MTHFD1: variants seen among roughly 807,000 people sequenced by gnomAD.
The protein encoded by MTHFD1 is methylenetetrahydrofolate dehydrogenase, cyclohydrolase and formyltetrahydrofolate synthetase 1, also known as C-1-tetrahydrofolate synthase, cytoplasmic.
A neutral mutation model predicts 110.3 loss-of-function variants in MTHFD1; 44 were observed. The observed-to-expected ratio is 0.40, with a 90% CI of 0.31 to 0.51. MTHFD1 has a LOEUF of 0.51. Ranked by LOEUF, MTHFD1 falls within the 20% of genes least tolerant of loss-of-function variation. The pLI, the probability that MTHFD1 is intolerant of heterozygous loss-of-function variation, is 0.60. For missense variants in MTHFD1, 909 were observed against 1,173.1 expected (o/e 0.77, Z 3.29); for synonymous variants, 402 against 428.8 (o/e 0.94, Z 0.77).
intron 22 of MTHFD1, among the ~76,000 whole-genome samples, chr14:64,446,610 C>T (rs112833248): frequency 0.067 from 10,111 of 151,320 alleles, 460 homozygotes; most frequent in East Asian, 0.21. Flanking sequence ...GGTGTGATCT[C>T]GGCTCACTGC....
intron 11 of MTHFD1, among the ~76,000 whole-genome samples, chr14:64,426,754 C>T (rs1346704404): frequency 6.6e-6 from 1 of 152,120 alleles, no homozygotes; most frequent in Non-Finnish European, 1.5e-5. Context: ...CAGGCGTGAG[C>T]CACCACACCC....
chr14:64,391,053 A>G (rs2077800176), intron 1 of MTHFD1, among the ~76,000 whole-genome samples: 1 of 152,256 alleles, frequency 6.6e-6, no homozygotes, highest in Non-Finnish European at 1.5e-5. Flanking sequence ...GTGAATGGCA[A>G]TGGCTCAACT....
At chr14:64,440,091 A>C (rs1355218363) in intron 17 of MTHFD1, 35 bp from the exon 18 acceptor site, 1 of 1,600,398 alleles carries the variant, frequency 6.2e-7, no homozygotes, top group Non-Finnish European at 8.5e-7. Context: ...GTTTAACACA[A>C]AGTTTTTGCT....
intron 26 of MTHFD1, 58 bp downstream of exon 26, chr14:64,454,933 T>TTGC: frequency 6.4e-7 from 1 of 1,573,714 alleles, no homozygotes; most frequent in East Asian, 2.2e-5. Context: ...CTGAAGTGTG[T>TTGC]TGCCGAAACC....
intron 26 of MTHFD1, among the ~76,000 whole-genome samples, chr14:64,457,413 C>T (rs988499815): frequency 6.6e-6 from 1 of 151,754 alleles, no homozygotes; most frequent in African/African-American, 2.4e-5. Flanking sequence ...TGAAGGCTGG[C>T]ATTTGGTTTG....
At chr14:64,444,140 C>G (rs2078270876) in intron 21 of MTHFD1, among the ~76,000 whole-genome samples, 1 of 152,146 alleles carries the variant, frequency 6.6e-6, no homozygotes, top group African/African-American at 2.4e-5. Flanking sequence ...AGGCACCAGA[C>G]ACCTCCATCC....
chr14:64,413,876 C>T (rs1436212363), intron 4 of MTHFD1, among the ~76,000 whole-genome samples: 4 of 152,210 alleles, frequency 2.6e-5, no homozygotes, highest in South Asian at 4.1e-4. Context: ...TTTGCCTCAG[C>T]TGCAGCACAG....
At position 64,430,341 on chromosome 14, in the gene MTHFD1, A is replaced by G. The variant is rs952342316; in HGVS notation, c.1311+111A>G. ...ATGACGGAGTCTTGCTCTGTTGCCC[A>G]GAGCTGGAGTGCAATGGCGCAATCT... On this transcript the variant is annotated intron_variant, in intron 13 of 27. Coordinates refer to ENST00000652337, the MANE Select transcript of MTHFD1 (RefSeq NM_005956.4). 9 of 1,045,464 alleles carry G rather than the reference A, an allele frequency of 8.6e-6. No homozygotes were observed. The East Asian group carries it at 1.2e-4, about 14-fold the overall frequency. The allele number at this position is 1,045,464 out of a possible 1,614,324, so 64.8% of individuals were successfully genotyped here. A position where few individuals can be genotyped will look rare whatever the true frequency, so the allele number is the denominator to read the frequency against.
chr14:64,399,573 C>T (rs764332872), intron 1 of MTHFD1, among the ~76,000 whole-genome samples: 3 of 148,964 alleles, frequency 2.0e-5, no homozygotes, highest in Admixed American at 6.8e-5. Flanking sequence ...GCAGCAGAAT[C>T]GCTTGAACCC....
intron 15 of MTHFD1, among the ~76,000 whole-genome samples, chr14:64,433,633 T>C (rs1312096425): frequency 6.6e-6 from 1 of 151,758 alleles, no homozygotes; most frequent in Non-Finnish European, 1.5e-5. Context: ...CAGGCTGATC[T>C]CAAGCTTCTG....
intron 7 of MTHFD1, among the ~76,000 whole-genome samples, chr14:64,419,052 C>T (rs1293008822): frequency 1.3e-5 from 2 of 151,816 alleles, no homozygotes; most frequent in African/African-American, 4.8e-5. Context: ...CGACAGGGGT[C>T]TCACTGTGTT....
intron 15 of MTHFD1, among the ~76,000 whole-genome samples, chr14:64,434,115 T>C (rs958463929): frequency 6.6e-6 from 1 of 152,178 alleles, no homozygotes; most frequent in African/African-American, 2.4e-5. Flanking sequence ...AATCTTCTGG[T>C]GCTCAGTTAT....
chr14:64,436,685 G>A (rs2078208511), intron 16 of MTHFD1, among the ~76,000 whole-genome samples: 1 of 152,190 alleles, frequency 6.6e-6, no homozygotes, highest in Non-Finnish European at 1.5e-5. Context: ...ACCGTTGCTA[G>A]CTAATGGCCT....
chr14:64,450,081 C>T (rs991483203), intron 24 of MTHFD1, among the ~76,000 whole-genome samples: 6 of 152,158 alleles, frequency 3.9e-5, no homozygotes, highest in Admixed American at 1.3e-4. Context: ...TGAGCCACTG[C>T]GTCCGCCCAG....
chr14:64,391,007 A>ATTT (rs2077799829), intron 1 of MTHFD1, among the ~76,000 whole-genome samples: 1 of 152,182 alleles, frequency 6.6e-6, no homozygotes, highest in South Asian at 2.1e-4. Flanking sequence ...TTAGGAAATC[A>ATTT]TTTGAGGCCA....
intron 26 of MTHFD1, 46 bp from the exon 27 acceptor site, chr14:64,458,168 A>G: frequency 6.9e-7 from 1 of 1,440,248 alleles, no homozygotes; most frequent in South Asian, 1.1e-5. Context: ...GGCGTGAGCC[A>G]CTGTGCCCAG....
At chr14:64,405,065 G>A (rs1161739800) in intron 2 of MTHFD1, among the ~76,000 whole-genome samples, 1 of 152,130 alleles carries the variant, frequency 6.6e-6, no homozygotes, top group Non-Finnish European at 1.5e-5. Context: ...CAGAAGGCCT[G>A]TCACTCTCTG....
rs1318852514 is a variant in MTHFD1, at chr14:64,395,080, A to C, written c.42-5713A>C. Among the ~76,000 whole-genome samples the C allele has an allele frequency of 3.3e-5, 5 of 151,944 alleles. No homozygotes were observed. The South Asian group carries it at 1.0e-3, about 32-fold the overall frequency. ...CTCACCAGCAGACCCACTGGCATCA[A>C]CTCTCCTTTGTTGACATATAGTTAA... On this transcript the variant is annotated intron_variant, in intron 1 of 27. Coordinates refer to ENST00000652337, the MANE Select transcript of MTHFD1 (RefSeq NM_005956.4).
chr14:64,443,860 C>G (rs750377348), intron 21 of MTHFD1, among the ~76,000 whole-genome samples: 16 of 152,174 alleles, frequency 1.1e-4, no homozygotes, highest in Admixed American at 3.3e-4. Context: ...ATGGCTCTGT[C>G]AAGAGAGTAG....
Sources: allele counts gnomAD v4.1 joint callset (sites outside exome capture counted in the v4.1 genomes callset), GRCh38; gene constraint gnomAD v4.1.1; transcripts MANE v1.5; gene names NCBI Gene and HGNC (gene_info 2026-07-23, HGNC 2026-07-21).